The following COL5A2 variants were observed in gnomAD, a reference collection of about 807,000 sequenced individuals.
The protein encoded by COL5A2 is collagen type V alpha 2 chain.
In COL5A2, 23 loss-of-function variants were observed where a neutral mutation model predicts 208.2. That is an observed-to-expected ratio of 0.11 (90% CI 0.08 to 0.16). COL5A2 has a LOEUF of 0.16. Among genes scored for constraint, COL5A2 ranks in the 10% least tolerant of loss-of-function variants. The pLI is 1.00. For missense variants in COL5A2, 1,590 were observed against 1,956.4 expected (o/e 0.81, Z 3.53); for synonymous variants, 625 against 628.5 (o/e 0.99, Z 0.08).
intron 1 of COL5A2, among the ~76,000 whole-genome samples, chr2:189,218,925 C>T (rs959302532): frequency 2.0e-5 from 3 of 151,966 alleles, no homozygotes; most frequent in African/African-American, 7.3e-5. Flanking sequence ...AGGATGAAAA[C>T]AGTAGTAAAA....
rs992686110 is a variant in COL5A2 at position 189,190,090 on chromosome 2, C to T, written c.-42+35058G>A. The stretch of plus-strand genomic sequence containing the variant: ...ACCCAAAGGTAAGAAAACCAAAGGC[C>T]CTGTGAACACTTCCTACAAAAAAGG... On this transcript the variant is annotated intron_variant, in intron 1 of 10. Transcript: ENST00000649966. Among the ~76,000 whole-genome samples, 50 of 152,122 alleles carry T rather than the reference C, an allele frequency of 3.3e-4. 1 individual carries two copies. The highest frequency in any genetic ancestry group is 1.2e-3 in the African/African-American group (49 of 41,500).
At chr2:189,175,543 ACT>A (rs1491357634) in intron 1 of COL5A2, among the ~76,000 whole-genome samples, 4 of 127,802 alleles carry the variant, frequency 3.1e-5, no homozygotes, top group African/African-American at 1.1e-4. Flanking sequence ...AAAAAAGAAA[ACT>A]TTTTTTTTTT....
At chr2:189,076,061 T>C (rs138619844) in intron 16 of COL5A2, among the ~76,000 whole-genome samples, 257 of 152,304 alleles carry the variant, frequency 1.7e-3, no homozygotes, top group Middle Eastern at 3.4e-3. Context: ...CTCAGCTCCA[T>C]AGTTCCCCTG....
chr2:189,268,829 T>G, the COL5A2 span, among the ~76,000 whole-genome samples: 2 of 152,278 alleles, frequency 1.3e-5, no homozygotes, highest in East Asian at 3.9e-4. Flanking sequence ...TGTGTATCTT[T>G]TGGTCAAGAA....
chr2:189,104,444 C>T (rs1017254435), intron 2 of COL5A2, among the ~76,000 whole-genome samples, 167 bp from the exon 3 acceptor site: 4 of 151,804 alleles, frequency 2.6e-5, no homozygotes. Flanking sequence ...TCAATACTTC[C>T]ATAAAAGGCA....
chr2:189,246,208 C>A, the COL5A2 span, among the ~76,000 whole-genome samples: 1 of 152,056 alleles, frequency 6.6e-6, no homozygotes, highest in Non-Finnish European at 1.5e-5. Flanking sequence ...GAATTACAAT[C>A]CAGATTATGA....
Position 189,034,921 on chromosome 2 carries a change from A to C in COL5A2, c.4348T>G (p.Cys1450Gly). ...GTAGATCAAAAAGTACTTACAGAGC[A>C]AGTGTCTTGAAGAACGATATACCGG... ...RFRYIVLQDT[C>G]SKRNGNVGKT... The change falls in exon 53 of 54, where the codon TGC becomes GGC. Residue 1450 changes from cysteine to glycine, a missense_variant. By Grantham distance (159) the Cys-to-Gly change is radical. Coordinates refer to ENST00000374866, the MANE Select transcript of COL5A2 (RefSeq NM_000393.5). The C allele has an allele frequency of 6.2e-7, 1 of 1,613,886 alleles. No homozygotes were observed. Among genetic ancestry groups the C allele is most frequent in the Non-Finnish European group, 8.5e-7 (1 of 1,179,856 alleles).
the COL5A2 span, among the ~76,000 whole-genome samples, chr2:189,364,644 A>G: frequency 6.6e-6 from 1 of 152,248 alleles, no homozygotes; most frequent in East Asian, 1.9e-4. Flanking sequence ...AGATTGTGCC[A>G]CTGCACTCCA....
chr2:189,373,635 ACT>A, the COL5A2 span, among the ~76,000 whole-genome samples: 23 of 152,252 alleles, frequency 1.5e-4, no homozygotes, highest in Non-Finnish European at 2.5e-4. Context: ...AAATAATCAG[ACT>A]CTGAATAATA....
At chr2:189,268,350 A>G in the COL5A2 span, among the ~76,000 whole-genome samples, 2 of 152,100 alleles carry the variant, frequency 1.3e-5, no homozygotes, top group African/African-American at 4.8e-5. Flanking sequence ...TTCCAGCACC[A>G]TTTCTCTGGC....
At chr2:189,035,604 T>A (rs1685429062) in intron 52 of COL5A2, among the ~76,000 whole-genome samples, 1 of 152,130 alleles carries the variant, frequency 6.6e-6, no homozygotes, top group Non-Finnish European at 1.5e-5. Flanking sequence ...TTCTAGAGAC[T>A]CTTTCCTACT....
At chr2:189,197,309 G>A (rs986724135) in intron 1 of COL5A2, among the ~76,000 whole-genome samples, 1 of 152,110 alleles carries the variant, frequency 6.6e-6, no homozygotes, top group Admixed American at 6.5e-5. Context: ...GGGAGAGAGA[G>A]CATTAGGACA....
chr2:189,330,426 G>A, the COL5A2 span, among the ~76,000 whole-genome samples: 356 of 152,256 alleles, frequency 2.3e-3, 1 homozygote, highest in African/African-American at 8.0e-3. Flanking sequence ...CTGAAAGCCC[G>A]GAGGTTCACA....
chr2:189,322,429 A>G, the COL5A2 span, among the ~76,000 whole-genome samples: 1 of 152,210 alleles, frequency 6.6e-6, no homozygotes, highest in Admixed American at 6.5e-5. Flanking sequence ...ATACACTGCT[A>G]GCAAGACTAA....
intron 47 of COL5A2, 54 bp downstream of exon 47, chr2:189,045,125 G>T (rs977090444): frequency 1.7e-6 from 2 of 1,178,320 alleles, no homozygotes; most frequent in African/African-American, 1.6e-5. Context: ...ACTTCTTTGG[G>T]AGTATATTTT....
At chr2:189,097,227 T>G (rs1265070787) in intron 6 of COL5A2, 50 bp downstream of exon 6, 2 of 1,579,166 alleles carry the variant, frequency 1.3e-6, no homozygotes, top group South Asian at 1.1e-5. Context: ...GAACACAGTG[T>G]AAACTGACTG....
chr2:189,264,671 G>A, the COL5A2 span, among the ~76,000 whole-genome samples: 2 of 151,898 alleles, frequency 1.3e-5, no homozygotes, highest in Non-Finnish European at 2.9e-5. Context: ...TAAAAAAACA[G>A]GCAAGATATA....
the COL5A2 span, among the ~76,000 whole-genome samples, chr2:189,391,768 G>C: frequency 6.6e-6 from 1 of 151,998 alleles, no homozygotes; most frequent in Non-Finnish European, 1.5e-5. Flanking sequence ...GTTAGAACTT[G>C]CTTCAAAAAA....
chr2:189,234,267 G>A, the COL5A2 span, among the ~76,000 whole-genome samples: 1 of 151,480 alleles, frequency 6.6e-6, no homozygotes, highest in Non-Finnish European at 1.5e-5. Context: ...TTTATACTCT[G>A]TAATTTTGAA....
Sources: gnomAD v4.1 joint callset for allele counts (sites outside exome capture counted in the v4.1 genomes callset) on GRCh38, gnomAD v4.1.1 for gene constraint, MANE v1.5 for transcripts, NCBI Gene and HGNC (gene_info 2026-07-23, HGNC 2026-07-21) for gene names.